The following PLSCR2 variants were observed in gnomAD, a reference collection of about 807,000 sequenced individuals.
PLSCR2 encodes the protein phospholipid scramblase 2.
Under a neutral mutation model 25.3 loss-of-function variants are expected in PLSCR2, and 18 were observed. The ratio of observed to expected loss-of-function variants is 0.71; its 90% CI spans 0.49 to 1.06. The LOEUF (loss-of-function observed/expected upper bound fraction) is 1.06, where lower values mean the gene tolerates loss of function less well. Among genes scored for constraint, PLSCR2 ranks in the 50% least tolerant of loss-of-function variants. PLSCR2 has a pLI of 0.00. For synonymous variants in PLSCR2, 88 were observed against 87.3 expected, an observed-to-expected ratio of 1.01 and a Z score of -0.04; for missense variants, 243 against 269.5, an observed-to-expected ratio of 0.90 and a Z score of 0.69.
intron 1 of PLSCR2, among the ~76,000 whole-genome samples, chr3:146,468,207 C>G (rs1268352689): frequency 1.3e-5 from 2 of 152,328 alleles, no homozygotes; most frequent in East Asian, 3.9e-4. Context: ...CAGCAATCCA[C>G]TCATTTTCCT....
intron 1 of PLSCR2, among the ~76,000 whole-genome samples, chr3:146,469,914 TG>T (rs770594541): frequency 2.0e-5 from 3 of 151,928 alleles, no homozygotes; most frequent in Non-Finnish European, 4.4e-5. Flanking sequence ...ACAGATGAAC[TG>T]GGACGTCGAC....
At chr3:146,445,538 GTTA>G (rs2040499395) in intron 6 of PLSCR2, among the ~76,000 whole-genome samples, 1 of 151,722 alleles carries the variant, frequency 6.6e-6, no homozygotes, top group African/African-American at 2.4e-5. Context: ...TTGCTTTTAT[GTTA>G]TTTTTTTTTC....
At chr3:146,461,837 A>G (rs1576685091), upstream of PLSCR2, 1 of 955,076 alleles carries the variant, frequency 1.0e-6, no homozygotes, top group Non-Finnish European at 1.6e-6. Flanking sequence ...TAATTACTGG[A>G]GGAATTTAAG....
chr3:146,442,039 A>G (rs1425924534), intron 6 of PLSCR2, among the ~76,000 whole-genome samples: 1 of 152,054 alleles, frequency 6.6e-6, no homozygotes, highest in Non-Finnish European at 1.5e-5. Context: ...TTATTTATTG[A>G]CACCTGCATT....
rs921160565 is a variant in PLSCR2 at position 146,448,115 on chromosome 3, CT to C, written c.645+1090del. Among the ~76,000 whole-genome samples, 81 of 152,190 alleles carry C rather than the reference CT, an allele frequency of 5.3e-4. 1 individual carries two copies. Among genetic ancestry groups the C allele is most frequent in the African/African-American group, 1.9e-3 (80 of 41,516 alleles). On this transcript the variant is annotated intron_variant, in intron 6 of 6. Coordinates refer to ENST00000610787, the Ensembl canonical transcript of PLSCR2. The stretch of plus-strand genomic sequence containing the variant: ...GTCTTTCCTACCCTCCTCAGTGCCT[CT>C]TTTTTTAATGTGATCTTTAAACTAG...
chr3:146,391,875 T>C (rs962709622), intron 3 of PLSCR2, among the ~76,000 whole-genome samples: 3 of 152,092 alleles, frequency 2.0e-5, no homozygotes, highest in African/African-American at 4.8e-5. Context: ...TTTAGAAAAC[T>C]GGAGGAAAAG....
upstream of PLSCR2, among the ~76,000 whole-genome samples, chr3:146,463,374 C>G (rs764481478): frequency 2.0e-5 from 3 of 152,136 alleles, no homozygotes; most frequent in Non-Finnish European, 4.4e-5. Flanking sequence ...CCAGGATGTT[C>G]TTGATCTCCT....
At chr3:146,433,721 G>A (rs942712710) in intron 8 of PLSCR2, among the ~76,000 whole-genome samples, 2 of 152,120 alleles carry the variant, frequency 1.3e-5, no homozygotes, top group African/African-American at 4.8e-5. Flanking sequence ...TGCTAGAGAT[G>A]AGTGCCCTGG....
chr3:146,459,475 G>A (rs2041425533), intron 2 of PLSCR2, among the ~76,000 whole-genome samples: 1 of 152,132 alleles, frequency 6.6e-6, no homozygotes, highest in South Asian at 2.1e-4. Context: ...GTTTCCTCTT[G>A]TGTAGAGTAG....
intron 6 of PLSCR2, among the ~76,000 whole-genome samples, chr3:146,442,068 G>T (rs540559784): frequency 6.6e-6 from 1 of 151,834 alleles, no homozygotes; most frequent in East Asian, 1.9e-4. Context: ...TAATCCTATG[G>T]CAATTTCTGT....
At chr3:146,458,137 G>T (rs1184061787) in intron 3 of PLSCR2, among the ~76,000 whole-genome samples, 2 of 152,168 alleles carry the variant, frequency 1.3e-5, no homozygotes, top group African/African-American at 4.8e-5. Flanking sequence ...GCTCGGTACA[G>T]GTACAATTTC....
In PLSCR2 at chr3:146,405,199, A is replaced by G. The variant is rs1162190318; in HGVS notation, c.101-9278T>C. 5.3e-5 allele frequency among the ~76,000 whole-genome samples: 8 copies of G among 152,280 alleles called. No individual in the cohort carries two copies. The East Asian group carries it at 1.4e-3, about 26-fold the overall frequency. On this transcript the variant is annotated intron_variant and NMD_transcript_variant, in intron 2 of 3. Transcript: ENST00000463633. ...TAAAACAATTTTACAGAAATAAAGT[A>G]GGCAAAAAGTTAAAAGGATAAATGG...
intron 5 of PLSCR2, among the ~76,000 whole-genome samples, chr3:146,452,530 T>C (rs559369906): frequency 1.3e-5 from 2 of 152,252 alleles, no homozygotes; most frequent in Non-Finnish European, 2.9e-5. Flanking sequence ...ACTGAAAAGG[T>C]ATTTTTAAAT....
intron 5 of PLSCR2, among the ~76,000 whole-genome samples, chr3:146,453,214 G>A (rs909760257): frequency 2.6e-5 from 4 of 152,018 alleles, no homozygotes; most frequent in Non-Finnish European, 4.4e-5. Flanking sequence ...CACTGTCAGA[G>A]TTCCCACATT....
At chr3:146,468,759 G>A (rs1183315393) in intron 1 of PLSCR2, among the ~76,000 whole-genome samples, 1 of 152,176 alleles carries the variant, frequency 6.6e-6, no homozygotes, top group Non-Finnish European at 1.5e-5. Flanking sequence ...TAGCTGAATT[G>A]AAATTATTCA....
At chr3:146,421,857 G>A (rs1026531443) in intron 2 of PLSCR2, among the ~76,000 whole-genome samples, 3 of 152,070 alleles carry the variant, frequency 2.0e-5, no homozygotes, top group Admixed American at 6.6e-5. Context: ...TTGCGTATTT[G>A]TTTTTAATTT....
rs1470177142 is a variant in PLSCR2 at position 146,445,831 on chromosome 3, G to GTTTTTA, written c.645+3374_645+3375insTAAAAA. ...CTGGATCTTGCAGGCAAGCTTCATTGTTTTTTATTTTTTATTTTTGTCTCC... is the reference window on the plus strand; with the variant it reads ...CTGGATCTTGCAGGCAAGCTTCATTGTTTTTATTTTTTATTTTTTATTTTTGTCTCC... On this transcript the variant is annotated intron_variant, in intron 6 of 6. Coordinates refer to ENST00000610787, the Ensembl canonical transcript of PLSCR2. 2.8e-4 allele frequency among the ~76,000 whole-genome samples: 43 copies of GTTTTTA among 151,954 alleles called. 1 individual carries two copies. The highest frequency in any genetic ancestry group is 1.0e-3 in the African/African-American group (43 of 41,456).
At chr3:146,482,733 C>T (rs1012389740) in intron 1 of PLSCR2, among the ~76,000 whole-genome samples, 3 of 152,150 alleles carry the variant, frequency 2.0e-5, no homozygotes, top group East Asian at 1.9e-4. Flanking sequence ...TGGGTATATA[C>T]CCAAAGATTA....
At chr3:146,420,499 A>AT (rs1301865803) in intron 2 of PLSCR2, among the ~76,000 whole-genome samples, 1 of 151,948 alleles carries the variant, frequency 6.6e-6, no homozygotes, top group African/African-American at 2.4e-5. Context: ...CGCTGTGTTG[A>AT]TTTTTTTAAC....
Sources: gnomAD v4.1 joint callset for allele counts (sites outside exome capture counted in the v4.1 genomes callset) on GRCh38, gnomAD v4.1.1 for gene constraint, MANE v1.5 for transcripts, NCBI Gene and HGNC (gene_info 2026-07-23, HGNC 2026-07-21) for gene names.